IARS1: variants seen among roughly 807,000 people sequenced by gnomAD.
The protein encoded by IARS1 is isoleucine--tRNA ligase, cytoplasmic.
IARS1 carries 124 observed loss-of-function variants against 168.2 expected under a neutral mutation model. That is an observed-to-expected ratio of 0.74 (90% CI 0.64 to 0.86). IARS1 has a LOEUF of 0.86. Among genes scored for constraint, IARS1 ranks in the 40% least tolerant of loss-of-function variants. IARS1 has a pLI of 0.00. For synonymous variants in IARS1, 532 were observed against 529.4 expected, an observed-to-expected ratio of 1.00 and a Z score of -0.07; for missense variants, 1,452 against 1,515.8, an observed-to-expected ratio of 0.96 and a Z score of 0.70.
chr9:92,265,135 A>G lies in IARS1; in HGVS notation c.1506-12T>C. 1 of 1,602,976 alleles carries G rather than the reference A, an allele frequency of 6.2e-7. No homozygotes were observed. Among genetic ancestry groups the G allele is most frequent in the Non-Finnish European group, 8.5e-7 (1 of 1,175,114 alleles). On this transcript the variant is annotated splice_polypyrimidine_tract_variant and intron_variant, in intron 15 of 33. Coordinates refer to ENST00000443024, the MANE Select transcript of IARS1 (RefSeq NM_002161.6). ...TCAGGTGGTCAACACTAACAAACAG[A>G]AAAGTAGTCATTTCTATTAACTGTA... is the stretch of plus-strand genomic sequence containing the variant.
intron 11 of IARS1, 152 bp from the exon 12 acceptor site, chr9:92,271,228 G>A: frequency 3.3e-6 from 2 of 611,506 alleles, no homozygotes; most frequent in Non-Finnish European, 5.4e-6. Flanking sequence ...TAATTTTCAA[G>A]TACATTCCAC....
intron 32 of IARS1, 73 bp downstream of exon 32, chr9:92,223,273 C>A: frequency 2.2e-6 from 3 of 1,377,304 alleles, no homozygotes; most frequent in Non-Finnish European, 3.0e-6. Flanking sequence ...TAGAAATACA[C>A]ACATATTTGA....
intron 6 of IARS1, among the ~76,000 whole-genome samples, chr9:92,282,075 C>T (rs886870377): frequency 1.3e-5 from 2 of 152,088 alleles, no homozygotes; most frequent in Non-Finnish European, 2.9e-5. Context: ...TTTTCTAACT[C>T]CAGTTATTTC....
Position 92,277,898 on chromosome 9 carries a change from T to C in IARS1, c.859A>G (p.Lys287Glu), listed in dbSNP as rs1242514738. 2 of 1,613,928 alleles carry C rather than the reference T, an allele frequency of 1.2e-6. No homozygotes were observed. The highest frequency in any genetic ancestry group is 1.7e-5 in the Admixed American group (1 of 59,988). Residue 287 changes from lysine to glutamate, a missense_variant, in exon 9 of 34, where the codon AAG becomes GAG. Physicochemically the swap from Lys to Glu is moderately conservative, Grantham distance 56. Transcript: ENST00000443024. ...ERFPGAYLKG[K>E]KYRPLFDYFL... ...TAGTCAAACAGGGGCCTGTACTTCT[T>C]GCCTTTAAGATAGGCACCAGGAAAT...
At chr9:92,277,949 C>T (rs1833995616) in intron 8 of IARS1, 26 bp from the exon 9 acceptor site, 1 of 1,603,474 alleles carries the variant, frequency 6.2e-7, no homozygotes, top group South Asian at 1.1e-5. Context: ...GGCAAACTCA[C>T]AATTAGATTA....
chr9:92,215,986 T>A (rs1838613813), intron 33 of IARS1, among the ~76,000 whole-genome samples: 1 of 149,898 alleles, frequency 6.7e-6, no homozygotes, highest in Non-Finnish European at 1.5e-5. Flanking sequence ...TCACCAAAGT[T>A]GAAATGAAGG....
intron 31 of IARS1, 86 bp downstream of exon 31, chr9:92,228,915 T>A: frequency 1.3e-6 from 2 of 1,517,484 alleles, no homozygotes; most frequent in Non-Finnish European, 1.8e-6. Flanking sequence ...AATGCAAAAG[T>A]TGTATAGTAC....
At chr9:92,251,073 T>C (rs1829946627) in intron 22 of IARS1, 4 of 548,788 alleles carry the variant, frequency 7.3e-6, no homozygotes, top group Non-Finnish European at 1.4e-5. Flanking sequence ...ATGTCTAAAA[T>C]AGAAACAGGA....
intron 25 of IARS1, 83 bp from the exon 26 acceptor site, chr9:92,247,634 T>C: frequency 3.3e-6 from 4 of 1,219,578 alleles, no homozygotes; most frequent in East Asian, 2.5e-5. Context: ...AGCAGCATTA[T>C]TCCTAACTGC....
chr9:92,236,596 C>T (rs1274853541), intron 30 of IARS1, among the ~76,000 whole-genome samples: 1 of 152,162 alleles, frequency 6.6e-6, no homozygotes, highest in Non-Finnish European at 1.5e-5. Flanking sequence ...CCTGTAATCC[C>T]AGCATTTTGG....
chr9:92,223,497 TAAC>T lies in IARS1; in HGVS notation c.3410-11_3410-9del, dbSNP rs766822105. 3.4e-5 allele frequency: 55 copies of T among 1,605,866 alleles called. No individual in the cohort carries two copies. Among genetic ancestry groups the T allele is most frequent in the African/African-American group, 1.1e-4 (8 of 74,672 alleles). On this transcript the variant is annotated splice_polypyrimidine_tract_variant and intron_variant, in intron 31 of 33. Coordinates refer to ENST00000443024, the MANE Select transcript of IARS1 (RefSeq NM_002161.6). ...CAGTTTGGTTTTGTATTTCTAAAAATAACAACAACAATTCTTTCAGGGTTAACG... is the reference window on the plus strand; with the variant it reads ...CAGTTTGGTTTTGTATTTCTAAAAATAACAACAATTCTTTCAGGGTTAACG...
At chr9:92,210,936 T>C (rs181033409) in intron 33 of IARS1, 47 bp from the exon 34 acceptor site, 1 of 1,204,750 alleles carries the variant, frequency 8.3e-7, no homozygotes, top group Non-Finnish European at 1.2e-6. Flanking sequence ...TTTTACCTAT[T>C]GGGGGTGAAT....
At chr9:92,259,059 C>T (rs1313281405) in intron 18 of IARS1, 61 bp from the exon 19 acceptor site, 4 of 1,406,008 alleles carry the variant, frequency 2.8e-6, no homozygotes, top group Admixed American at 2.3e-5. Context: ...ATTATTACTA[C>T]TCGACATATT....
Position 92,225,435 on chromosome 9 carries a change from A to G in IARS1, c.3410-1946T>C, listed in dbSNP as rs186501467. 2.2e-3 allele frequency among the ~76,000 whole-genome samples: 331 copies of G among 152,332 alleles called. 1 individual carries two copies. Among genetic ancestry groups the G allele is most frequent in the African/African-American group, 7.3e-3 (303 of 41,576 alleles). On this transcript the variant is annotated intron_variant, in intron 31 of 33. Coordinates refer to ENST00000443024, the MANE Select transcript of IARS1 (RefSeq NM_002161.6). ...TAACCTTATACCTCAGTGAAGTTAA[A>G]GAACAGCAAAAGAGGGATGTATGGC... is the stretch of plus-strand genomic sequence containing the variant.
At chr9:92,255,346 G>A (rs1475023176) in intron 20 of IARS1, among the ~76,000 whole-genome samples, 3 of 152,210 alleles carry the variant, frequency 2.0e-5, no homozygotes, top group African/African-American at 4.8e-5. Flanking sequence ...GCAGAGCCCT[G>A]TGAGGGTGGA....
chr9:92,283,267 A>C (rs1834921524), intron 6 of IARS1, among the ~76,000 whole-genome samples: 1 of 152,242 alleles, frequency 6.6e-6, no homozygotes, highest in Non-Finnish European at 1.5e-5. Flanking sequence ...AATTGAGAAC[A>C]CTTTGCCTGA....
intron 31 of IARS1, among the ~76,000 whole-genome samples, chr9:92,226,339 T>C (rs1825670516): frequency 6.6e-6 from 1 of 152,330 alleles, no homozygotes; most frequent in South Asian, 2.1e-4. Context: ...CAGATTCTTC[T>C]AGTTTTTGCC....
intron 33 of IARS1, 74 bp downstream of exon 33, chr9:92,222,446 T>A: frequency 2.5e-6 from 3 of 1,217,158 alleles, no homozygotes; most frequent in South Asian, 2.7e-5. Flanking sequence ...TACATGTATA[T>A]GCTACAAATG....
chr9:92,276,757 T>C (rs914451864), intron 9 of IARS1, among the ~76,000 whole-genome samples: 7 of 152,378 alleles, frequency 4.6e-5, no homozygotes, highest in African/African-American at 1.7e-4. Flanking sequence ...GCTCATTATC[T>C]CATTTCAAGA....
Sources: allele counts gnomAD v4.1 joint callset (sites outside exome capture counted in the v4.1 genomes callset), GRCh38; gene constraint gnomAD v4.1.1; transcripts MANE v1.5; gene names NCBI Gene and HGNC (gene_info 2026-07-23, HGNC 2026-07-21).